The following RNF175 variants were observed in gnomAD, a reference collection of about 807,000 sequenced individuals.
RNF175 encodes the protein ring finger protein 175.
Under a neutral mutation model 50.0 loss-of-function variants are expected in RNF175, and 38 were observed. The ratio of observed to expected loss-of-function variants is 0.76; its 90% CI spans 0.59 to 1.00. The LOEUF (loss-of-function observed/expected upper bound fraction) is 1.00, where lower values mean the gene tolerates loss of function less well. Among genes scored for constraint, RNF175 ranks in the 50% least tolerant of loss-of-function variants. RNF175 has a pLI of 0.00. For missense variants in RNF175, 388 were observed against 409.6 expected, an observed-to-expected ratio of 0.95 and a Z score of 0.46; for synonymous variants, 155 against 146.1, an observed-to-expected ratio of 1.06 and a Z score of -0.44.
chr4:153,716,423 T>C (rs1737931786), intron 6 of RNF175, among the ~76,000 whole-genome samples: 1 of 152,208 alleles, frequency 6.6e-6, no homozygotes, highest in Non-Finnish European at 1.5e-5. Context: ...CATGTTTTTA[T>C]TGGGTGCATG....
chr4:153,731,185 T>C (rs780957370), intron 3 of RNF175, among the ~76,000 whole-genome samples: 6 of 152,244 alleles, frequency 3.9e-5, no homozygotes, highest in Non-Finnish European at 7.3e-5. Context: ...ACACATTTCA[T>C]ATCAATTTAA....
intron 3 of RNF175, among the ~76,000 whole-genome samples, chr4:153,739,326 CAGG>C (rs1381841070): frequency 6.6e-6 from 1 of 152,086 alleles, no homozygotes; most frequent in East Asian, 1.9e-4. Context: ...GAGGCTGAGG[CAGG>C]AGAATTGCTT....
chr4:153,718,511 G>A (rs1007283117), intron 6 of RNF175, among the ~76,000 whole-genome samples: 7 of 151,968 alleles, frequency 4.6e-5, no homozygotes, highest in Admixed American at 3.9e-4. Context: ...AGAACTGGTC[G>A]GGTTGGATCA....
intron 6 of RNF175, among the ~76,000 whole-genome samples, chr4:153,717,448 G>A (rs1738002489): frequency 6.6e-6 from 1 of 151,942 alleles, no homozygotes; most frequent in African/African-American, 2.4e-5. Flanking sequence ...ATTGTTGCTG[G>A]GGTGTCATTG....
intron 4 of RNF175, 99 bp downstream of exon 4, chr4:153,728,107 TA>T: frequency 1.3e-6 from 1 of 768,930 alleles, no homozygotes; most frequent in Non-Finnish European, 1.9e-6. Flanking sequence ...AAAAGAAATG[TA>T]ACCCCCCCAC....
At position 153,750,667 on chromosome 4, in the gene RNF175, A is replaced by G. The variant is rs79439231; in HGVS notation, c.104+771T>C. Among the ~76,000 whole-genome samples the G allele has an allele frequency of 0.019, 2,845 of 150,962 alleles. 202 individuals carry two copies. The East Asian group carries it at 0.23, about 12-fold the overall frequency. ...TTCTAGAAGCTCATTTAAACAAACA[A>G]GCAAAAAAACAAACTTGTTCCCCTG... On this transcript the variant is annotated intron_variant, in intron 2 of 8. Transcript: ENST00000347063.
At chr4:153,751,976 A>C (rs1284756309) in intron 1 of RNF175, among the ~76,000 whole-genome samples, 1 of 152,156 alleles carries the variant, frequency 6.6e-6, no homozygotes, top group Non-Finnish European at 1.5e-5. Flanking sequence ...GCATTCTTGT[A>C]CTCTCTTGTT....
intron 8 of RNF175, among the ~76,000 whole-genome samples, chr4:153,711,347 G>C (rs1186231219): frequency 1.3e-5 from 2 of 151,860 alleles, no homozygotes; most frequent in Non-Finnish European, 2.9e-5. Flanking sequence ...AGAAAGGCCA[G>C]GTCTGTGGAT....
chr4:153,715,686 A>G (rs1409600661), intron 6 of RNF175, 24 bp from the exon 7 acceptor site: 2 of 1,607,980 alleles, frequency 1.2e-6, no homozygotes, highest in Non-Finnish European at 1.7e-6. Context: ...TGGACAGAGC[A>G]CAGTCAGAAA....
intron 6 of RNF175, among the ~76,000 whole-genome samples, chr4:153,718,580 CTCT>C (rs1738134334): frequency 6.6e-6 from 1 of 152,140 alleles, no homozygotes; most frequent in Non-Finnish European, 1.5e-5. Flanking sequence ...CAGGTAAAGT[CTCT>C]TCTTCTTGGT....
In RNF175 at chr4:153,711,247, G is replaced by C. The variant is rs531607331; in HGVS notation, c.867-758C>G. 2.4e-4 allele frequency among the ~76,000 whole-genome samples: 36 copies of C among 152,216 alleles called. 1 individual carries two copies. The highest frequency in any genetic ancestry group is 5.9e-4 in the Admixed American group (9 of 15,288). On this transcript the variant is annotated intron_variant, in intron 8 of 8. Transcript: ENST00000347063. ...GACTTGGTATCCTCATTTTAGAAGA[G>C]GAATTCCAGGACAGTGGATGAACAG...
At chr4:153,723,581 A>G in intron 4 of RNF175, 123 bp from the exon 5 acceptor site, 1 of 600,794 alleles carries the variant, frequency 1.7e-6, no homozygotes, top group South Asian at 2.0e-5. Flanking sequence ...TTTAGTTTCT[A>G]AAAGTAAATT....
At chr4:153,749,891 A>G (rs1740195775) in intron 2 of RNF175, among the ~76,000 whole-genome samples, 1 of 152,206 alleles carries the variant, frequency 6.6e-6, no homozygotes, top group Non-Finnish European at 1.5e-5. Flanking sequence ...AGCCTCCAGA[A>G]CTGTGAGAAA....
chr4:153,736,662 T>C (rs1289712779), intron 3 of RNF175, among the ~76,000 whole-genome samples: 1 of 152,172 alleles, frequency 6.6e-6, no homozygotes, highest in Non-Finnish European at 1.5e-5. Context: ...TTTTGGAAGG[T>C]TATTAATTAT....
chr4:153,717,554 C>CACACACACAT (rs1491359701), intron 6 of RNF175, among the ~76,000 whole-genome samples: 21 of 151,012 alleles, frequency 1.4e-4, no homozygotes, highest in African/African-American at 4.6e-4. Context: ...CACACACACA[C>CACACACACAT]ATACATATCT....
chr4:153,748,440 A>T, intron 3 of RNF175: 7 of 426,610 alleles, frequency 1.6e-5, no homozygotes, highest in Non-Finnish European at 2.4e-5. Context: ...CCCCCTTTTC[A>T]CCCCCCACAA....
At chr4:153,738,305 C>T (rs1005769055) in intron 3 of RNF175, among the ~76,000 whole-genome samples, 2 of 151,664 alleles carry the variant, frequency 1.3e-5, no homozygotes, top group Admixed American at 6.6e-5. Flanking sequence ...CCTCCTCAGC[C>T]TCCAAGTAGC....
At chr4:153,712,433 A>G in intron 8 of RNF175, 42 bp downstream of exon 8, 4 of 1,169,120 alleles carry the variant, frequency 3.4e-6, no homozygotes, top group Non-Finnish European at 5.1e-6. Flanking sequence ...CCCCAGAAAC[A>G]TTCAAGATAA....
chr4:153,751,181 T>C (rs1218378540), intron 2 of RNF175, among the ~76,000 whole-genome samples: 1 of 152,154 alleles, frequency 6.6e-6, no homozygotes, highest in Non-Finnish European at 1.5e-5. Flanking sequence ...CTAAAATAAA[T>C]AGTAACTTGA....
Sources: allele counts gnomAD v4.1 joint callset (sites outside exome capture counted in the v4.1 genomes callset), GRCh38; gene constraint gnomAD v4.1.1; transcripts MANE v1.5; gene names NCBI Gene and HGNC (gene_info 2026-07-23, HGNC 2026-07-21).